MACF1: variants seen among roughly 807,000 people sequenced by gnomAD.
The protein encoded by MACF1 is microtubule-actin cross-linking factor 1.
In MACF1, 193 loss-of-function variants were observed where a neutral mutation model predicts 854.8. The observed-to-expected ratio is 0.23, with a 90% CI of 0.20 to 0.25. The LOEUF (loss-of-function observed/expected upper bound fraction) is 0.25, where lower values mean the gene tolerates loss of function less well. MACF1 is among the 10% of genes least tolerant of loss of function. The pLI is 1.00. For synonymous variants in MACF1, 3,185 were observed against 3,226.7 expected (o/e 0.99, Z 0.44); for missense variants, 7,722 against 8,929.1 (o/e 0.86, Z 5.45).
intron 84 of MACF1, 57 bp from the exon 85 acceptor site, chr1:39,450,995 G>T (rs879160451): frequency 1.3e-6 from 2 of 1,574,136 alleles, no homozygotes; most frequent in South Asian, 2.3e-5. Context: ...AGGCAGAATT[G>T]TGGGCCATTT....
At chr1:39,241,454 G>A (rs954644411) in intron 2 of MACF1, among the ~76,000 whole-genome samples, 5 of 152,040 alleles carry the variant, frequency 3.3e-5, no homozygotes, top group Non-Finnish European at 7.4e-5. Flanking sequence ...GAGGTCAGGC[G>A]TTCGGGACCA....
At chr1:39,447,652 T>C in intron 81 of MACF1, 40 bp from the exon 82 acceptor site, 1 of 1,612,540 alleles carries the variant, frequency 6.2e-7, no homozygotes. Context: ...TGCCCCTTTA[T>C]CTTATCTTAA....
chr1:39,139,078 C>G (rs1437840151), intron 2 of MACF1, among the ~76,000 whole-genome samples: 1 of 152,226 alleles, frequency 6.6e-6, no homozygotes, highest in Non-Finnish European at 1.5e-5. Context: ...CATGTTAATG[C>G]ATATGATGTA....
At chr1:39,434,009 G>A (rs1643919818) in intron 68 of MACF1, among the ~76,000 whole-genome samples, 1 of 152,160 alleles carries the variant, frequency 6.6e-6, no homozygotes, top group Non-Finnish European at 1.5e-5. Context: ...GAACCCAGGA[G>A]GCGGAGGTTA....
Position 39,357,533 on chromosome 1 carries a change from C to T in MACF1, c.11583C>T (p.Ser3861=). 1 of 1,614,138 alleles carries T rather than the reference C, an allele frequency of 6.2e-7. No homozygotes were observed. Among genetic ancestry groups the T allele is most frequent in the African/African-American group, 1.3e-5 (1 of 75,010 alleles). The change falls in exon 45 of 101, where the codon TCC becomes TCT. Residue 3861 remains serine (S), a synonymous_variant. Coordinates refer to ENST00000564288, the MANE Select transcript of MACF1 (RefSeq NM_001394062.1). ...LGELKEQYST[S]LAQSEAELKQ... is the part of the protein sequence containing the mutation. ...AGCTAAAGGAACAATACTCTACTTC[C>T]CTGGCCCAATCAGAGGCAGAACTGA...
chr1:39,121,636 C>T (rs964315828), intron 2 of MACF1, among the ~76,000 whole-genome samples: 2 of 152,060 alleles, frequency 1.3e-5, no homozygotes, highest in Admixed American at 6.6e-5. Context: ...TTAGTAGAGA[C>T]GGGGTTTCGC....
intron 66 of MACF1, 61 bp from the exon 67 acceptor site, chr1:39,432,474 G>A: frequency 6.7e-7 from 1 of 1,495,724 alleles, no homozygotes; most frequent in Non-Finnish European, 9.2e-7. Context: ...TGAATAAATT[G>A]CAGTTATGTG....
intron 2 of MACF1, among the ~76,000 whole-genome samples, chr1:39,149,091 G>A (rs1278982499): frequency 6.6e-6 from 1 of 152,234 alleles, no homozygotes; most frequent in Non-Finnish European, 1.5e-5. Flanking sequence ...AGGTAATGAG[G>A]ATCAGAAGGG....
intron 49 of MACF1, among the ~76,000 whole-genome samples, chr1:39,362,133 G>A (rs974635360): frequency 6.6e-6 from 1 of 152,184 alleles, no homozygotes; most frequent in Non-Finnish European, 1.5e-5. Context: ...TTTGGTAAAA[G>A]TATTAACAGC....
chr1:39,481,094 C>A, intron 99 of MACF1, 64 bp downstream of exon 99: 1 of 973,188 alleles, frequency 1.0e-6, no homozygotes, highest in Non-Finnish European at 1.6e-6. Flanking sequence ...TGGACTTGAC[C>A]AGCTCTTCTT....
chr1:39,223,159 T>G (rs1363503908), intron 1 of MACF1, among the ~76,000 whole-genome samples: 1 of 152,192 alleles, frequency 6.6e-6, no homozygotes, highest in Admixed American at 6.5e-5. Flanking sequence ...TCACAGAGTA[T>G]GTGCAAAGGC....
In MACF1 at chr1:39,293,604, G is replaced by A; in HGVS notation, c.2139G>A (p.Lys713=). The change falls in exon 18 of 101, where the codon AAG becomes AAA. Residue 713 remains lysine, a synonymous_variant. Coordinates refer to ENST00000564288, the MANE Select transcript of MACF1 (RefSeq NM_001394062.1). ...WSDNNSNISA[K]RNYFSELTME... ...ACAACAATTCCAATATCTCAGCCAAGAGAAATTACTTCTCTGTGAGTCTAG... is the reference window on the plus strand; with the variant it reads ...ACAACAATTCCAATATCTCAGCCAAAAGAAATTACTTCTCTGTGAGTCTAG... The A allele has an allele frequency of 6.2e-7, 1 of 1,613,134 alleles. No homozygotes were observed. The highest frequency in any genetic ancestry group is 1.1e-5 in the South Asian group (1 of 90,942).
intron 2 of MACF1, among the ~76,000 whole-genome samples, chr1:39,167,346 G>A (rs533403790): frequency 1.3e-5 from 2 of 151,302 alleles, no homozygotes; most frequent in African/African-American, 2.4e-5. Context: ...AGGCTGAGGC[G>A]GGTGGATCAC....
intron 2 of MACF1, among the ~76,000 whole-genome samples, chr1:39,242,360 A>AG (rs1644934140): frequency 6.6e-6 from 1 of 151,904 alleles, no homozygotes; most frequent in African/African-American, 2.4e-5. Context: ...AAAAAAAAAA[A>AG]AAAAGCAGAC....
chr1:39,435,294 G>A (rs905189203), intron 69 of MACF1, among the ~76,000 whole-genome samples: 1 of 152,146 alleles, frequency 6.6e-6, no homozygotes, highest in Admixed American at 6.5e-5. Flanking sequence ...CAGCTGGTAG[G>A]GGAAGAGAAG....
At chr1:39,156,994 G>A (rs1437260660) in intron 2 of MACF1, among the ~76,000 whole-genome samples, 1 of 150,730 alleles carries the variant, frequency 6.6e-6, no homozygotes, top group African/African-American at 2.4e-5. Flanking sequence ...CTCTAAGTTG[G>A]GGTCTTGCTC....
intron 58 of MACF1, chr1:39,410,645 ATGT>A: frequency 6.2e-7 from 1 of 1,613,956 alleles, no homozygotes; most frequent in Non-Finnish European, 8.5e-7. Flanking sequence ...CGCAAAGACA[ATGT>A]TAACAGGAGA....
intron 26 of MACF1, among the ~76,000 whole-genome samples, chr1:39,311,917 AT>A (rs761151447): frequency 2.6e-5 from 4 of 152,012 alleles, no homozygotes; most frequent in African/African-American, 7.2e-5. Context: ...CTAACTTTCT[AT>A]TTTTTCCCCC....
At chr1:39,280,104 G>A (rs1301880658) in intron 6 of MACF1, among the ~76,000 whole-genome samples, 2 of 151,976 alleles carry the variant, frequency 1.3e-5, no homozygotes, top group East Asian at 3.9e-4. Context: ...TGTCACCTAG[G>A]CGGGAGTGGT....
Sources: allele counts gnomAD v4.1 joint callset (sites outside exome capture counted in the v4.1 genomes callset), GRCh38; gene constraint gnomAD v4.1.1; transcripts MANE v1.5; gene names NCBI Gene and HGNC (gene_info 2026-07-23, HGNC 2026-07-21).